NACC2: variants seen among roughly 807,000 people sequenced by gnomAD.
NACC2 encodes the protein NACC family member 2, also known as nucleus accumbens-associated protein 2.
In NACC2, 8 loss-of-function variants were observed where a neutral mutation model predicts 25.1. The ratio of observed to expected loss-of-function variants is 0.32; its 90% confidence interval spans 0.19 to 0.57. NACC2 has a LOEUF of 0.57. Among genes scored for constraint, NACC2 ranks in the 20% least tolerant of loss-of-function variants. NACC2 has a pLI of 0.89. For synonymous variants in NACC2, 435 were observed against 294.7 expected (o/e 1.48, Z -4.88); for missense variants, 644 against 650.2 (o/e 0.99, Z 0.10).
intron 2 of NACC2, among the ~76,000 whole-genome samples, chr9:136,033,895 GTGT>G (rs1253197065): frequency 2.5e-3 from 24 of 9,508 alleles, no homozygotes; most frequent in Admixed American, 0.018. Flanking sequence ...ATTCCAGCAG[GTGT>G]GTGTGTGTGT....
intron 1 of NACC2, among the ~76,000 whole-genome samples, chr9:136,073,160 G>T (rs1166097887): frequency 6.6e-6 from 1 of 152,166 alleles, no homozygotes; most frequent in Admixed American, 6.5e-5. Context: ...GGGTATGGTG[G>T]CACGTGCTTG....
At chr9:136,089,764 T>C (rs1830416575) in intron 1 of NACC2, among the ~76,000 whole-genome samples, 1 of 148,272 alleles carries the variant, frequency 6.7e-6, no homozygotes, top group Non-Finnish European at 1.5e-5. Flanking sequence ...CTCTATTTTC[T>C]TAAAAGCTTT....
rs551408560 is a variant in NACC2, at chr9:136,007,423, GCACACATA to G, written c.*4085_*4092del. On this transcript the variant is annotated 3_prime_UTR_variant, in exon 6 of 6. Transcript: ENST00000277554. ...CACGCACGTGCACACAGACGCGCGTGCACACATACACACAGACGCGCACACACACGCGC... is the reference window on the plus strand; with the variant it reads ...CACGCACGTGCACACAGACGCGCGTGCACACAGACGCGCACACACACGCGC... 0.028 allele frequency: 3,780 copies of G among 135,048 alleles called. 153 individuals are homozygous for G. The highest frequency in any genetic ancestry group is 0.092 in the African/African-American group (3,575 of 38,854). The allele number at this position is 135,048 out of a possible 1,614,324, so 8.4% of individuals were successfully genotyped here. A position where few individuals can be genotyped will look rare whatever the true frequency, so the allele number is the denominator to read the frequency against.
intron 2 of NACC2, among the ~76,000 whole-genome samples, chr9:136,024,552 A>AGTGTGTGTAAGGACAGAGT (rs1474369623): frequency 7.1e-6 from 1 of 141,294 alleles, no homozygotes; most frequent in Non-Finnish European, 1.5e-5. Context: ...GTGTGAGGAC[A>AGTGTGTGTAAGGACAGAGT]GTGTGTGTAA....
In NACC2 at chr9:136,006,819, A is replaced by C. The variant is rs1478607500; in HGVS notation, c.*4697T>G. 1.3e-5 allele frequency: 2 copies of C among 152,096 alleles called. No individual in the cohort carries two copies. Among genetic ancestry groups the C allele is most frequent in the Non-Finnish European group, 2.9e-5 (2 of 68,088 alleles). The allele number at this position is 152,096 out of a possible 1,614,324, so 9.4% of individuals were successfully genotyped here. On this transcript the variant is annotated 3_prime_UTR_variant, in exon 6 of 6. Transcript: ENST00000277554. ...AAAACAAAGGCTTCCTCCTTAAAAA[A>C]AAGACAAAAAAAAAAAGCTAAGCAT...
chr9:136,052,798 C>G (rs1310964962), intron 1 of NACC2, among the ~76,000 whole-genome samples: 1 of 152,276 alleles, frequency 6.6e-6, no homozygotes, highest in Non-Finnish European at 1.5e-5. Context: ...GGCTGCACCT[C>G]CTGCCCAAGG....
chr9:136,015,269 C>T (rs1298600226), intron 3 of NACC2, among the ~76,000 whole-genome samples: 1 of 152,248 alleles, frequency 6.6e-6, no homozygotes, highest in Non-Finnish European at 1.5e-5. Context: ...GGCACCTGCG[C>T]CCCAGAGCCC....
intron 2 of NACC2, among the ~76,000 whole-genome samples, chr9:136,031,264 T>C (rs1840467880): frequency 6.6e-6 from 1 of 152,170 alleles, no homozygotes; most frequent in Non-Finnish European, 1.5e-5. Context: ...ATTGGGAAGG[T>C]AAAGAGATGA....
At chr9:136,094,732 G>A (rs1354181755) in intron 1 of NACC2, among the ~76,000 whole-genome samples, 5 of 151,462 alleles carry the variant, frequency 3.3e-5, no homozygotes, top group Admixed American at 1.3e-4. Flanking sequence ...GATGCGCCGG[G>A]AGGGGTGGGT....
intron 3 of NACC2, among the ~76,000 whole-genome samples, chr9:136,014,393 C>T (rs1840166561): frequency 5.9e-5 from 9 of 152,180 alleles, no homozygotes; most frequent in Admixed American, 5.9e-4. Context: ...TAGCCTCGAC[C>T]TCCCGGGCTC....
At position 136,010,582 on chromosome 9, in the gene NACC2, C is replaced by T. The variant is rs1408635249; in HGVS notation, c.*934G>A. ...GGGCTGGGGACAGGGACACCCATCC[C>T]ACCCAAAGTTTTTGTTCTATTGAGT... On this transcript the variant is annotated 3_prime_UTR_variant, in exon 6 of 6. Transcript: ENST00000277554. The surrounding 1 kb of genome is among the most constrained non-coding windows in gnomAD (Gnocchi z 4.9). 1 of 152,214 alleles carries T rather than the reference C, an allele frequency of 6.6e-6. No homozygotes were observed. Among genetic ancestry groups the T allele is most frequent in the East Asian group, 1.9e-4 (1 of 5,194 alleles). The allele number at this position is 152,214 out of a possible 1,614,324, so 9.4% of individuals were successfully genotyped here.
intron 1 of NACC2, among the ~76,000 whole-genome samples, chr9:136,078,541 C>G (rs373053577): frequency 6.6e-6 from 1 of 152,186 alleles, no homozygotes; most frequent in Admixed American, 6.5e-5. Flanking sequence ...GGACGTGGCC[C>G]GCTCACTGGC....
chr9:136,058,414 G>A (rs989760869), intron 1 of NACC2, among the ~76,000 whole-genome samples: 2 of 152,256 alleles, frequency 1.3e-5, no homozygotes, highest in Non-Finnish European at 2.9e-5. Context: ...GGAAGCAGCA[G>A]GCACCTGCTC....
chr9:136,076,596 G>A (rs1352061080), intron 1 of NACC2, among the ~76,000 whole-genome samples: 3 of 152,140 alleles, frequency 2.0e-5, no homozygotes, highest in East Asian at 1.9e-4. Context: ...TGATGAAAAC[G>A]TTCTGCAAAC....
At position 136,059,665 on chromosome 9, in the gene NACC2, G is replaced by A. The variant is rs751116780; in HGVS notation, c.-59-9085C>T. ...GGGCCGGGACTTCCAGCCGGCCACG[G>A]GGACACCCTGCATACGGCTGGCCTT... On this transcript the variant is annotated intron_variant, in intron 1 of 5. Coordinates refer to ENST00000277554, the MANE Select transcript of NACC2 (RefSeq NM_144653.5). 2.4e-4 allele frequency among the ~76,000 whole-genome samples: 36 copies of A among 152,236 alleles called. 1 individual carries two copies. The highest frequency in any genetic ancestry group is 2.9e-5 in the Non-Finnish European group (2 of 68,034).
rs1840052838 is a variant in NACC2 at position 136,008,141 on chromosome 9, CAA to C, written c.*3373_*3374del. The C allele has an allele frequency of 6.6e-6, 1 of 152,288 alleles. No homozygotes were observed. The highest frequency in any genetic ancestry group is 1.5e-5 in the Non-Finnish European group (1 of 68,086). The allele number at this position is 152,288 out of a possible 1,614,324, so 9.4% of individuals were successfully genotyped here. On this transcript the variant is annotated 3_prime_UTR_variant, in exon 6 of 6. Transcript: ENST00000277554. ...CAAAGTACAACAACCAAATCCAATG[CAA>C]AGTTAAGTGACGACAGAGAACTCGG...
At chr9:136,056,119 G>A (rs1840921346) in intron 1 of NACC2, among the ~76,000 whole-genome samples, 1 of 152,208 alleles carries the variant, frequency 6.6e-6, no homozygotes, top group African/African-American at 2.4e-5. Flanking sequence ...AGGGGGCCCG[G>A]AGGTTAACCC....
intron 2 of NACC2, among the ~76,000 whole-genome samples, chr9:136,023,780 C>T (rs908769065): frequency 6.6e-6 from 1 of 152,264 alleles, no homozygotes; most frequent in African/African-American, 2.4e-5. Flanking sequence ...ATCAATCCCA[C>T]CTATCACAGC....
intron 1 of NACC2, among the ~76,000 whole-genome samples, chr9:136,076,830 A>C (rs1427545421): frequency 6.6e-6 from 1 of 152,002 alleles, no homozygotes; most frequent in African/African-American, 2.4e-5. Context: ...AACACGGTGA[A>C]ACCCCTTCTC....
Sources: allele counts gnomAD v4.1 joint callset (sites outside exome capture counted in the v4.1 genomes callset), GRCh38; gene constraint gnomAD v4.1.1; non-coding constraint Gnocchi (gnomAD v3.1); transcripts MANE v1.5; gene names NCBI Gene and HGNC (gene_info 2026-07-23, HGNC 2026-07-21).